The following HIP1 variants were observed in gnomAD, a reference collection of about 807,000 sequenced individuals.
The protein encoded by HIP1 is huntingtin-interacting protein 1.
HIP1 carries 65 observed loss-of-function variants against 147.6 expected under a neutral mutation model. The observed-to-expected ratio is 0.44, with a 90% confidence interval of 0.36 to 0.54. HIP1 has a LOEUF of 0.54. Among genes scored for constraint, HIP1 ranks in the 20% least tolerant of loss-of-function variants. The pLI is 0.00. For synonymous variants in HIP1, 479 were observed against 504.0 expected, an observed-to-expected ratio of 0.95 and a Z score of 0.67; for missense variants, 1,061 against 1,299.6, an observed-to-expected ratio of 0.82 and a Z score of 2.82.
Position 75,537,339 on chromosome 7 carries a change from G to C in HIP1, c.*833C>G. The C allele has an allele frequency of 4.3e-6, 1 of 232,950 alleles. No homozygotes were observed. The highest frequency in any genetic ancestry group is 8.5e-6 in the Non-Finnish European group (1 of 117,600). The allele number at this position is 232,950 out of a possible 1,614,324, so 14.4% of individuals were successfully genotyped here. ...TTTTGAGGAAAGCTGTCACTCAGCAGCTCCGCCTGACCCTGGAGCATGGAC... is the reference window on the plus strand; with the variant it reads ...TTTTGAGGAAAGCTGTCACTCAGCACCTCCGCCTGACCCTGGAGCATGGAC... On this transcript the variant is annotated 3_prime_UTR_variant, in exon 31 of 31. Transcript: ENST00000336926.
In HIP1 at chr7:75,554,442, T is replaced by C. The variant is rs782163832; in HGVS notation, c.2048A>G (p.Glu683Gly). 6 of 1,613,120 alleles carry C rather than the reference T, an allele frequency of 3.7e-6. No individual in the cohort carries two copies. Among genetic ancestry groups the C allele is most frequent in the Non-Finnish European group, 4.2e-6 (5 of 1,179,146 alleles). ...AGACTGTCCTTGGCCATTCTTACCT[T>C]CTGGGCAGGCCAGATACTGGCTCCA... ...KSWSQYLACP[E>G]DISGLLHSIT... The change falls in exon 20 of 31, where the codon GAA becomes GGA. Residue 683 changes from glutamate to glycine, a missense_variant and splice_region_variant. Physicochemically the swap from Glu to Gly is moderately conservative, Grantham distance 98 (BLOSUM62 -2). Transcript: ENST00000336926.
intron 2 of HIP1, among the ~76,000 whole-genome samples, chr7:75,597,283 T>C (rs1796781922): frequency 6.6e-6 from 1 of 152,184 alleles, no homozygotes; most frequent in Non-Finnish European, 1.5e-5. Flanking sequence ...TAAGCAATGC[T>C]GGGCTTCTCT....
At position 75,581,647 on chromosome 7, in the gene HIP1, C is replaced by T. The variant is rs782700025; in HGVS notation, c.543-349G>A. Among the ~76,000 whole-genome samples, 32 of 152,136 alleles carry T rather than the reference C, an allele frequency of 2.1e-4. 1 individual carries two copies. The highest frequency in any genetic ancestry group is 4.0e-4 in the Non-Finnish European group (27 of 68,042). ...TATAAAAATTAGCTGGGTGTGATGG[C>T]GCATGCCTGTAATCCCAGCTACTCG... On this transcript the variant is annotated intron_variant, in intron 6 of 30. Transcript: ENST00000336926.
At chr7:75,563,101 T>C in intron 10 of HIP1, 26 bp from the exon 11 acceptor site, 1 of 1,614,014 alleles carries the variant, frequency 6.2e-7, no homozygotes, top group Non-Finnish European at 8.5e-7. Context: ...CATCCTCAAA[T>C]AGTGCTTGCT....
chr7:75,547,791 G>C lies in HIP1; in HGVS notation c.2429C>G (p.Ala810Gly). ...RIEEMLSKSRAGDTGVKLEVN... is the reference protein window; with the variant it reads ...RIEEMLSKSRGGDTGVKLEVN... ...CTCCAATTTGACTCCTGTGTCTCCT[G>C]CTCGGGATTTGCTGAGCATCTCCTG... is the stretch of plus-strand genomic sequence containing the variant. The change falls in exon 24 of 31, where the codon GCA becomes GGA. Residue 810 changes from alanine (A) to glycine (G), a missense_variant. Around this residue, in one of 3 missense-constraint regions of HIP1, gnomAD observed 810 missense variants for 946.8 expected, o/e 0.86. Coordinates refer to ENST00000336926, the MANE Select transcript of HIP1 (RefSeq NM_005338.7). 6.2e-7 allele frequency: 1 copy of C among 1,613,832 alleles called. No individual in the cohort carries two copies. The highest frequency in any genetic ancestry group is 2.2e-5 in the East Asian group (1 of 44,862).
At chr7:75,608,390 T>C (rs1195691264) in intron 1 of HIP1, among the ~76,000 whole-genome samples, 1 of 152,206 alleles carries the variant, frequency 6.6e-6, no homozygotes, top group Non-Finnish European at 1.5e-5. Context: ...TTGATGAACA[T>C]GCAAGTCTGA....
At chr7:75,569,287 A>G (rs1428750028) in intron 8 of HIP1, among the ~76,000 whole-genome samples, 1 of 152,012 alleles carries the variant, frequency 6.6e-6, no homozygotes, top group Non-Finnish European at 1.5e-5. Context: ...CAGGGAACAC[A>G]TGTATAAAAC....
chr7:75,737,220 C>T (rs782501205), intron 1 of HIP1, among the ~76,000 whole-genome samples: 8 of 151,918 alleles, frequency 5.3e-5, no homozygotes, highest in Non-Finnish European at 1.0e-4. Context: ...GCTAATGCAC[C>T]CAGCCTAATT....
chr7:75,679,358 C>G (rs1443311813), intron 1 of HIP1, among the ~76,000 whole-genome samples: 1 of 152,160 alleles, frequency 6.6e-6, no homozygotes, highest in Admixed American at 6.6e-5. Flanking sequence ...CATGCACCAG[C>G]ACGCCTGGCT....
At chr7:75,540,576 A>G (rs116255145) in intron 29 of HIP1, among the ~76,000 whole-genome samples, 9,026 of 151,992 alleles carry the variant, frequency 0.059, 281 homozygotes, top group Non-Finnish European at 0.068. Flanking sequence ...ACACCAATGC[A>G]CTCCAGCCTG....
At chr7:75,595,279 C>T (rs374211987) in intron 2 of HIP1, among the ~76,000 whole-genome samples, 2,607 of 63,210 alleles carry the variant, frequency 0.041, 47 homozygotes, top group African/African-American at 0.15. Context: ...TTCCTTCCTT[C>T]CTTCCTTTCT....
chr7:75,546,987 G>A lies in HIP1; in HGVS notation c.2511C>T (p.Leu837=). Residue 837 remains leucine, a synonymous_variant, in exon 25 of 31, where the codon CTC becomes CTT. Coordinates refer to ENST00000336926, the MANE Select transcript of HIP1 (RefSeq NM_005338.7). The stretch of plus-strand genomic sequence containing the variant: ...TCTGGAGGTCCTTAGAGGCCACGAT[G>A]AGCACCTGAATAGCTTGCATGAGGC... The part of the protein sequence containing the change: ...CTSLMQAIQV[L]IVASKDLQRE... 1 of 1,588,348 alleles carries A rather than the reference G, an allele frequency of 6.3e-7. No homozygotes were observed. Among genetic ancestry groups the A allele is most frequent in the Non-Finnish European group, 8.6e-7 (1 of 1,166,484 alleles).
intron 1 of HIP1, among the ~76,000 whole-genome samples, chr7:75,708,805 G>A (rs1801077852): frequency 6.6e-6 from 1 of 151,962 alleles, no homozygotes; most frequent in Non-Finnish European, 1.5e-5. Context: ...CCCCAGCTAT[G>A]TTTTTCTTTT....
Position 75,729,305 on chromosome 7 carries a change from CAAAAAAAAAAA to C in HIP1, c.120+9485_120+9495del, listed in dbSNP as rs35202804. ...GCAACGTAGTGAGATCTTGTCTCTGCAAAAAAAAAAAAAAAAAAAAAAAAAAAATTAATTAG... is the reference window on the plus strand; with the variant it reads ...GCAACGTAGTGAGATCTTGTCTCTGCAAAAAAAAAAAAAAAAATTAATTAG... On this transcript the variant is annotated intron_variant, in intron 1 of 30. Transcript: ENST00000336926. Among the ~76,000 whole-genome samples the C allele has an allele frequency of 9.5e-3, 469 of 49,218 alleles. 4 individuals are homozygous for C. The highest frequency in any genetic ancestry group is 0.037 in the African/African-American group (453 of 12,110). The allele number at this position is 49,218 out of a possible 152,430, so 32.3% of individuals were successfully genotyped here.
intron 1 of HIP1, among the ~76,000 whole-genome samples, chr7:75,680,663 G>T (rs1052283519): frequency 2.0e-5 from 3 of 151,788 alleles, no homozygotes; most frequent in Non-Finnish European, 4.4e-5. Context: ...AGGTTGGAGT[G>T]CAGTGGCGCC....
chr7:75,646,802 A>G (rs1798816506), intron 1 of HIP1, among the ~76,000 whole-genome samples: 1 of 152,126 alleles, frequency 6.6e-6, no homozygotes, highest in Non-Finnish European at 1.5e-5. Context: ...CCCCTGGGGA[A>G]CCCTGAGAGC....
chr7:75,707,787 A>G (rs1354017444), intron 1 of HIP1, among the ~76,000 whole-genome samples: 4 of 135,108 alleles, frequency 3.0e-5, no homozygotes, highest in African/African-American at 1.2e-4. Flanking sequence ...GCCCTCAGAA[A>G]TAATGCCGCA....
chr7:75,589,739 GT>G (rs1305892413), intron 4 of HIP1, among the ~76,000 whole-genome samples: 1 of 56,336 alleles, frequency 1.8e-5, no homozygotes, highest in African/African-American at 6.3e-5. Context: ...GGTTTTTTTT[GT>G]TTTTTTTTGA....
At chr7:75,729,163 G>GAAA (rs532233329) in intron 1 of HIP1, among the ~76,000 whole-genome samples, 5,937 of 138,278 alleles carry the variant, frequency 0.043, 151 homozygotes, top group Middle Eastern at 0.075. Flanking sequence ...ACTAGAACAG[G>GAAA]AAAAAAAAAA....
Sources: gnomAD v4.1 joint callset for allele counts (sites outside exome capture counted in the v4.1 genomes callset) on GRCh38, gnomAD v4.1.1 for gene constraint, gnomAD v4.1.1 regional missense constraint, MANE v1.5 for transcripts, NCBI Gene and HGNC (gene_info 2026-07-23, HGNC 2026-07-21) for gene names.